The following GRM7 variants were observed in gnomAD, a reference collection of about 807,000 sequenced individuals.
The protein encoded by GRM7 is glutamate metabotropic receptor 7, also known as metabotropic glutamate receptor 7.
GRM7 carries 35 observed loss-of-function variants against 84.5 expected under a neutral mutation model. The ratio of observed to expected loss-of-function variants is 0.41; its 90% CI spans 0.32 to 0.55. GRM7 has a LOEUF of 0.55. Among genes scored for constraint, GRM7 ranks in the 20% least tolerant of loss-of-function variants. GRM7 has a pLI of 0.19. For missense variants in GRM7, 1,003 were observed against 1,194.6 expected (o/e 0.84, Z 2.36); for synonymous variants, 487 against 455.1 (o/e 1.07, Z -0.89).
At chr3:7,650,191 CA>C (rs1698863602) in intron 8 of GRM7, among the ~76,000 whole-genome samples, 1 of 144,816 alleles carries the variant, frequency 6.9e-6, no homozygotes, top group African/African-American at 2.4e-5. Flanking sequence ...TAGTGTTTCT[CA>C]AAAGCTTGCT....
chr3:7,076,389 C>G (rs536383298), intron 1 of GRM7, among the ~76,000 whole-genome samples: 12 of 152,114 alleles, frequency 7.9e-5, no homozygotes, highest in African/African-American at 2.9e-4. Flanking sequence ...GGACAGTTTC[C>G]CCCATGCTGT....
chr3:7,003,532 G>C (rs1321316425), intron 1 of GRM7, among the ~76,000 whole-genome samples: 1 of 152,148 alleles, frequency 6.6e-6, no homozygotes, highest in Non-Finnish European at 1.5e-5. Flanking sequence ...GAGATGATGA[G>C]ATGCTGCTGG....
intron 8 of GRM7, among the ~76,000 whole-genome samples, chr3:7,618,367 G>C (rs1362517331): frequency 6.6e-6 from 1 of 152,044 alleles, no homozygotes; most frequent in East Asian, 1.9e-4. Context: ...GCCATTACAT[G>C]TTTGTTAAAA....
At chr3:7,103,826 CTCT>C in intron 1 of GRM7, among the ~76,000 whole-genome samples, 1 of 128,418 alleles carries the variant, frequency 7.8e-6, no homozygotes, top group South Asian at 2.3e-4. Context: ...TTCTCTCTCT[CTCT>C]GTCTCTCTCT....
chr3:7,402,251 T>C (rs967341731), intron 4 of GRM7, among the ~76,000 whole-genome samples: 1 of 152,200 alleles, frequency 6.6e-6, no homozygotes, highest in African/African-American at 2.4e-5. Flanking sequence ...TAAGGTTACG[T>C]GCTCACTGCC....
At chr3:7,074,375 G>A (rs541083259) in intron 1 of GRM7, among the ~76,000 whole-genome samples, 1 of 152,282 alleles carries the variant, frequency 6.6e-6, no homozygotes, top group South Asian at 2.1e-4. Flanking sequence ...AGACAGGAAT[G>A]GAAACATTCT....
chr3:7,141,471 G>A (rs1325274207), intron 1 of GRM7, among the ~76,000 whole-genome samples: 1 of 151,820 alleles, frequency 6.6e-6, no homozygotes, highest in Non-Finnish European at 1.5e-5. Flanking sequence ...TTCCCATGCG[G>A]GAAGATAAAA....
chr3:7,496,277 A>G (rs558192596), intron 7 of GRM7, among the ~76,000 whole-genome samples: 1 of 152,304 alleles, frequency 6.6e-6, no homozygotes, highest in South Asian at 2.1e-4. Flanking sequence ...ATCATTATCA[A>G]TGGGGACAAC....
chr3:7,285,299 G>T (rs1196091284), intron 2 of GRM7, among the ~76,000 whole-genome samples: 1 of 152,078 alleles, frequency 6.6e-6, no homozygotes, highest in Non-Finnish European at 1.5e-5. Context: ...AAGATAAAAG[G>T]CAGATGGCTT....
chr3:7,099,569 T>C (rs1331045096), intron 1 of GRM7, among the ~76,000 whole-genome samples: 2 of 146,290 alleles, frequency 1.4e-5, no homozygotes, highest in Non-Finnish European at 3.0e-5. Context: ...ACACGCATTA[T>C]ACATGTGCAC....
intron 2 of GRM7, among the ~76,000 whole-genome samples, chr3:7,156,781 A>C (rs1694463026): frequency 6.6e-6 from 1 of 151,956 alleles, no homozygotes; most frequent in African/African-American, 2.4e-5. Context: ...ACAACAACAA[A>C]ATTTTTAGTT....
rs182803947 is a variant in GRM7 at position 7,572,937 on chromosome 3, G to A, written c.1516-5485G>A. ...ATGTGGAGTACATTTAAAAAAGGTTGACTTTTATAAGTTTTGAATAAGTGG... is the reference window on the plus strand; with the variant it reads ...ATGTGGAGTACATTTAAAAAAGGTTAACTTTTATAAGTTTTGAATAAGTGG... On this transcript the variant is annotated intron_variant, in intron 7 of 9. Transcript: ENST00000357716. 8.6e-5 allele frequency among the ~76,000 whole-genome samples: 12 copies of A among 140,260 alleles called. No homozygotes were observed. In the East Asian group the frequency reaches 2.3e-3, roughly 27 times the overall value. The allele number at this position is 140,260 out of a possible 152,430, so 92.0% of individuals were successfully genotyped here.
chr3:7,255,865 T>C (rs1456108657), intron 2 of GRM7, among the ~76,000 whole-genome samples: 1 of 152,242 alleles, frequency 6.6e-6, no homozygotes, highest in Non-Finnish European at 1.5e-5. Flanking sequence ...GTCTATCTAC[T>C]CTTGGATATC....
At chr3:7,101,453 C>G (rs1699105374) in intron 1 of GRM7, among the ~76,000 whole-genome samples, 1 of 151,424 alleles carries the variant, frequency 6.6e-6, no homozygotes, top group Non-Finnish European at 1.5e-5. Flanking sequence ...TCTTTTCCCA[C>G]TTTTTTACTG....
At position 7,302,931 on chromosome 3, in the gene GRM7, A is replaced by ATTTTTTTTTTTTTT. The variant is rs761399796; in HGVS notation, c.879-3556_879-3543dup. ...AGAAGTATTAACATTTGATTGTTCT[A>ATTTTTTTTTTTTTT]TTTTTTTTTTTTTTTTTTTTTTTTG... is the stretch of plus-strand genomic sequence containing the variant. On this transcript the variant is annotated intron_variant, in intron 3 of 9. Transcript: ENST00000357716. 4.3e-4 allele frequency among the ~76,000 whole-genome samples: 52 copies of ATTTTTTTTTTTTTT among 121,900 alleles called. 3 individuals are homozygous for ATTTTTTTTTTTTTT. Among genetic ancestry groups the ATTTTTTTTTTTTTT allele is most frequent in the East Asian group, 1.2e-3 (5 of 4,188 alleles). The allele number at this position is 121,900 out of a possible 152,430, so 80.0% of individuals were successfully genotyped here.
At chr3:7,241,639 T>A (rs1395441664) in intron 2 of GRM7, among the ~76,000 whole-genome samples, 2 of 151,984 alleles carry the variant, frequency 1.3e-5, no homozygotes, top group African/African-American at 4.8e-5. Context: ...GGTGAGCTGA[T>A]GAGTACAGAA....
At chr3:7,652,246 A>G (rs1698978502) in intron 8 of GRM7, among the ~76,000 whole-genome samples, 1 of 152,188 alleles carries the variant, frequency 6.6e-6, no homozygotes, top group Admixed American at 6.5e-5. Context: ...ACAGGTAAAA[A>G]CAGGACCGTC....
At chr3:7,584,599 A>G (rs563395671) in intron 8 of GRM7, among the ~76,000 whole-genome samples, 12 of 152,204 alleles carry the variant, frequency 7.9e-5, no homozygotes, top group Non-Finnish European at 1.8e-4. Context: ...GTATTTTGAA[A>G]TGGGAATTTT....
At chr3:7,366,410 C>T (rs565435855) in intron 4 of GRM7, among the ~76,000 whole-genome samples, 1 of 151,950 alleles carries the variant, frequency 6.6e-6, no homozygotes, top group South Asian at 2.1e-4. Context: ...GGAAAGTTTG[C>T]ATTTCCTCAG....
Sources: gnomAD v4.1 joint callset for allele counts (sites outside exome capture counted in the v4.1 genomes callset) on GRCh38, gnomAD v4.1.1 for gene constraint, MANE v1.5 for transcripts, NCBI Gene and HGNC (gene_info 2026-07-23, HGNC 2026-07-21) for gene names.